The following CAMKK2 variants were observed in gnomAD, a reference collection of about 807,000 sequenced individuals.
CAMKK2 encodes calcium/calmodulin dependent protein kinase kinase 2, also known as calcium/calmodulin-dependent protein kinase kinase 2.
Under a neutral mutation model 67.2 loss-of-function variants are expected in CAMKK2, and 30 were observed. That is an observed-to-expected ratio of 0.45 (90% confidence interval 0.33 to 0.61). The LOEUF (loss-of-function observed/expected upper bound fraction) is 0.61. Ranked by LOEUF, CAMKK2 falls within the 20% of genes least tolerant of loss-of-function variation. The probability of loss-of-function intolerance (pLI) is 0.02; values close to 1 mark genes in which losing one functional copy is unlikely to be tolerated. For synonymous variants in CAMKK2, 322 were observed against 326.2 expected (o/e 0.99, Z 0.14); for missense variants, 643 against 802.0 (o/e 0.80, Z 2.39).
chr12:121,242,474 A>G (rs1888564665), intron 16 of CAMKK2, among the ~76,000 whole-genome samples: 1 of 152,228 alleles, frequency 6.6e-6, no homozygotes, highest in Admixed American at 6.5e-5. Context: ...AAGGCCGAGG[A>G]AAGGCCAGCC....
intron 1 of CAMKK2, among the ~76,000 whole-genome samples, chr12:121,288,194 A>C (rs1899154716): frequency 1.3e-5 from 2 of 152,282 alleles, no homozygotes; most frequent in Admixed American, 1.3e-4. Flanking sequence ...AGAGGTTGGA[A>C]AACAACTGGA....
intron 1 of CAMKK2, among the ~76,000 whole-genome samples, chr12:121,277,220 A>C (rs977021619): frequency 6.6e-6 from 1 of 152,240 alleles, no homozygotes; most frequent in Non-Finnish European, 1.5e-5. Flanking sequence ...ACTCATGCAC[A>C]CAGAGTGTGT....
intron 1 of CAMKK2, among the ~76,000 whole-genome samples, chr12:121,292,976 A>G (rs902407187): frequency 6.6e-6 from 1 of 150,680 alleles, no homozygotes; most frequent in African/African-American, 2.4e-5. Flanking sequence ...CTCAAAAGAA[A>G]AAAAAAAAGA....
intron 11 of CAMKK2, among the ~76,000 whole-genome samples, chr12:121,251,231 A>C (rs901049160): frequency 6.6e-6 from 1 of 152,198 alleles, no homozygotes; most frequent in Non-Finnish European, 1.5e-5. Flanking sequence ...CTTACTCTGA[A>C]ATACATTAAG....
chr12:121,245,059 G>T lies in CAMKK2; in HGVS notation c.1553+81C>A. On this transcript the variant is annotated intron_variant, in intron 15 of 16. Coordinates refer to ENST00000404169, the MANE Select transcript of CAMKK2 (RefSeq NM_001270485.2). The surrounding 1 kb of genome is among the most constrained non-coding windows in gnomAD (Gnocchi z 5.8). ...TGGCACCACTTCAGGGAGGACCTGT[G>T]CAGAGTGGTCTGGGCAGGGCTGCCC... is the stretch of plus-strand genomic sequence containing the variant. The T allele has an allele frequency of 1.1e-6, 1 of 939,940 alleles. No individual in the cohort carries two copies. Among genetic ancestry groups the T allele is most frequent in the Non-Finnish European group, 1.7e-6 (1 of 594,344 alleles). The allele number at this position is 939,940 out of a possible 1,614,324, so 58.2% of individuals were successfully genotyped here. A position where few individuals can be genotyped will look rare whatever the true frequency, so the allele number is the denominator to read the frequency against.
chr12:121,260,398 G>C, intron 6 of CAMKK2, 43 bp from the exon 7 acceptor site: 2 of 1,590,704 alleles, frequency 1.3e-6, no homozygotes, highest in Non-Finnish European at 1.7e-6. Context: ...GGATGGCGGG[G>C]GAGAAAAAGA....
intron 11 of CAMKK2, among the ~76,000 whole-genome samples, chr12:121,251,295 G>A (rs1205752716): frequency 6.6e-6 from 1 of 152,182 alleles, no homozygotes; most frequent in Non-Finnish European, 1.5e-5. Flanking sequence ...CACAGGAAAA[G>A]GTTAATATAG....
At chr12:121,277,005 G>A (rs1377297563) in intron 1 of CAMKK2, among the ~76,000 whole-genome samples, 1 of 151,994 alleles carries the variant, frequency 6.6e-6, no homozygotes, top group African/African-American at 2.4e-5. Flanking sequence ...GAGGTAGTGG[G>A]GTAAAAGAGA....
At chr12:121,272,234 A>G (rs1005371389) in intron 2 of CAMKK2, among the ~76,000 whole-genome samples, 1 of 152,256 alleles carries the variant, frequency 6.6e-6, no homozygotes, top group Non-Finnish European at 1.5e-5. Flanking sequence ...ATAAATATTA[A>G]TAACAGCTTT....
Position 121,283,657 on chromosome 12 carries a change from A to T in CAMKK2, c.-59-9072T>A, listed in dbSNP as rs78810261. On this transcript the variant is annotated intron_variant, in intron 1 of 16. Coordinates refer to ENST00000404169, the MANE Select transcript of CAMKK2 (RefSeq NM_001270485.2). ...GTGAGACCCCATCTCTACAAAAAAA[A>T]TTTTTTAAATTAGTTGGGCATGGTA... Among the ~76,000 whole-genome samples the T allele has an allele frequency of 9.6e-3, 1,463 of 152,056 alleles. 22 individuals are homozygous for T. The highest frequency in any genetic ancestry group is 0.033 in the African/African-American group (1,378 of 41,440).
intron 1 of CAMKK2, among the ~76,000 whole-genome samples, chr12:121,275,858 T>C (rs1896694300): frequency 6.6e-6 from 1 of 152,090 alleles, no homozygotes; most frequent in East Asian, 1.9e-4. Flanking sequence ...TACATGAACT[T>C]ATATCTCAAT....
chr12:121,286,098 A>G (rs1484023085), intron 1 of CAMKK2, among the ~76,000 whole-genome samples: 1 of 152,202 alleles, frequency 6.6e-6, no homozygotes, highest in Non-Finnish European at 1.5e-5. Flanking sequence ...ATGAGCCAAC[A>G]TATTTCCATT....
In CAMKK2 at chr12:121,264,007, G is replaced by A. The variant is rs1196575031; in HGVS notation, c.626-68C>T. ...TTTCCTCCGCAGAGGGCAGCTGCAG[G>A]TGGGATGCCAAAAGGTGGGATGCCA... On this transcript the variant is annotated intron_variant, in intron 5 of 16. Coordinates refer to ENST00000404169, the MANE Select transcript of CAMKK2 (RefSeq NM_001270485.2). The A allele has an allele frequency of 2.7e-5, 38 of 1,422,268 alleles. No individual in the cohort carries two copies. The East Asian group carries it at 9.7e-4, about 36-fold the overall frequency. The allele number at this position is 1,422,268 out of a possible 1,614,324, so 88.1% of individuals were successfully genotyped here.
At position 121,245,407 on chromosome 12, in the gene CAMKK2, C is replaced by A. The variant is rs1023981377; in HGVS notation, c.1453-167G>T. On this transcript the variant is annotated intron_variant, in intron 14 of 16. Coordinates refer to ENST00000404169, the MANE Select transcript of CAMKK2 (RefSeq NM_001270485.2). The surrounding 1 kb of genome is among the most constrained non-coding windows in gnomAD (Gnocchi z 5.8). ...GGGCAGCACCACCCCGCAACCAACCCCCGCCGAAAGAATCCTCTGGGAAAA... is the reference window on the plus strand; with the variant it reads ...GGGCAGCACCACCCCGCAACCAACCACCGCCGAAAGAATCCTCTGGGAAAA... 6.6e-6 allele frequency among the ~76,000 whole-genome samples: 1 copy of A among 152,180 alleles called. No individual in the cohort carries two copies. The highest frequency in any genetic ancestry group is 1.5e-5 in the Non-Finnish European group (1 of 68,036).
intron 1 of CAMKK2, among the ~76,000 whole-genome samples, chr12:121,286,126 G>T (rs569558252): frequency 6.6e-6 from 1 of 152,086 alleles, no homozygotes; most frequent in Non-Finnish European, 1.5e-5. Context: ...AAGCTATTTC[G>T]TGATTAGTTT....
At chr12:121,261,175 G>A (rs1211752629) in intron 6 of CAMKK2, among the ~76,000 whole-genome samples, 1 of 152,070 alleles carries the variant, frequency 6.6e-6, no homozygotes, top group East Asian at 1.9e-4. Flanking sequence ...GTGGCGTCCT[G>A]TACAGGGCAC....
intron 7 of CAMKK2, among the ~76,000 whole-genome samples, chr12:121,256,311 G>A (rs1046406060): frequency 2.6e-5 from 4 of 152,152 alleles, no homozygotes; most frequent in South Asian, 2.1e-4. Context: ...CCTGGACAGC[G>A]GAGGTTGCAG....
chr12:121,291,099 C>T (rs560201785), intron 1 of CAMKK2, among the ~76,000 whole-genome samples: 14 of 152,212 alleles, frequency 9.2e-5, no homozygotes, highest in East Asian at 1.9e-4. Context: ...GGATTACAGG[C>T]GTAAGCCACT....
At position 121,274,569 on chromosome 12, in the gene CAMKK2, T is replaced by A; in HGVS notation, c.-43A>T. ...CATCCAGCACACTGGGGCACTCCCA[T>A]CCGGCAGCGGAGCCACCTGCAGAAA... On this transcript the variant is annotated 5_prime_UTR_variant, in exon 2 of 17. An upstream start codon of the reference 5' UTR is lost. Coordinates refer to ENST00000404169, the MANE Select transcript of CAMKK2 (RefSeq NM_001270485.2). 1 of 1,428,648 alleles carries A rather than the reference T, an allele frequency of 7.0e-7. No homozygotes were observed. Among genetic ancestry groups the A allele is most frequent in the Non-Finnish European group, 9.5e-7 (1 of 1,051,398 alleles). 88.5% of individuals were successfully genotyped at this position (1,428,648 alleles called of 1,614,324 possible). A position where few individuals can be genotyped will look rare whatever the true frequency, so the allele number is the denominator to read the frequency against.
Sources: gnomAD v4.1 joint callset for allele counts (sites outside exome capture counted in the v4.1 genomes callset) on GRCh38, gnomAD v4.1.1 for gene constraint, Gnocchi (gnomAD v3.1) non-coding constraint, MANE v1.5 for transcripts, NCBI Gene and HGNC (gene_info 2026-07-23, HGNC 2026-07-21) for gene names.